PRH1: variants seen among roughly 807,000 people sequenced by gnomAD.
PRH1 encodes the protein proline rich protein HaeIII subfamily 1.
PRH1 carries 7 observed loss-of-function variants against 7.9 expected under a neutral mutation model. The observed-to-expected ratio is 0.89, with a 90% confidence interval of 0.50 to 1.67. The LOEUF is 1.67. PRH1 is among the 40% of genes most tolerant of loss of function. The pLI is 0.00. For synonymous variants in PRH1, 45 were observed against 80.8 expected (o/e 0.56, Z 2.38); for missense variants, 109 against 223.6 (o/e 0.49, Z 3.27).
At chr12:11,043,965 A>G (rs766919182) in intron 1 of PRH1, among the ~76,000 whole-genome samples, 4 of 152,180 alleles carry the variant, frequency 2.6e-5, no homozygotes, top group Non-Finnish European at 2.9e-5. Flanking sequence ...TGGAGCCACA[A>G]CTGACCCAGA....
At chr12:10,999,887 C>T (rs1940500878) in intron 1 of PRH1, among the ~76,000 whole-genome samples, 1 of 152,072 alleles carries the variant, frequency 6.6e-6, no homozygotes, top group South Asian at 2.1e-4. Context: ...TACATAGTTG[C>T]ATGTACATGT....
intron 1 of PRH1, chr12:11,091,873 A>G (rs1405839763): frequency 7.6e-7 from 1 of 1,307,288 alleles, no homozygotes; most frequent in Admixed American, 2.0e-5. Flanking sequence ...TCTTTAAGTG[A>G]AGAAAAATAA....
At chr12:10,909,167 G>A (rs765210652) in intron 2 of PRH1, 12 of 1,613,876 alleles carry the variant, frequency 7.4e-6, no homozygotes, top group East Asian at 4.5e-5. Context: ...GGAGTTTATC[G>A]ACTGAGGACA....
intron 1 of PRH1, among the ~76,000 whole-genome samples, chr12:10,981,864 AT>A (rs3033036): frequency 0.011 from 1,500 of 141,620 alleles, 15 homozygotes; most frequent in East Asian, 0.045. Flanking sequence ...CAAACAACTA[AT>A]TTTTTTTTTT....
At chr12:10,968,334 T>G (rs1938612609) in intron 2 of PRH1, among the ~76,000 whole-genome samples, 1 of 152,168 alleles carries the variant, frequency 6.6e-6, no homozygotes, top group South Asian at 2.1e-4. Context: ...TAATGTAACT[T>G]GCCCATAATG....
rs189222872 is a variant in PRH1 at position 11,026,459 on chromosome 12, G to C, written c.-126+20561C>G. On this transcript the variant is annotated intron_variant, in intron 1 of 3. Transcript: ENST00000539853. ...ATTGAAATAGATATGTATGGCAGCC[G>C]GCAGGACTCACATTCTTCGTGAACT... Among the ~76,000 whole-genome samples the C allele has an allele frequency of 8.6e-5, 9 of 104,496 alleles. No homozygotes were observed. The East Asian group carries it at 2.5e-3, about 29-fold the overall frequency. 68.6% of individuals were successfully genotyped at this position (104,496 alleles called of 152,430 possible).
At chr12:10,937,206 C>A (rs1486555235) in intron 2 of PRH1, among the ~76,000 whole-genome samples, 1 of 866 alleles carries the variant, frequency 1.2e-3, no homozygotes, top group African/African-American at 1.3e-3. Flanking sequence ...AATTTTATTT[C>A]TCTCTCTCTC....
intron 1 of PRH1, among the ~76,000 whole-genome samples, chr12:11,142,474 T>C (rs1426148408): frequency 3.3e-5 from 5 of 152,176 alleles, no homozygotes; most frequent in African/African-American, 9.7e-5. Flanking sequence ...CAGGATTCTA[T>C]AGAACTCACA....
At chr12:11,114,193 G>C (rs555138517) in intron 1 of PRH1, among the ~76,000 whole-genome samples, 3 of 152,236 alleles carry the variant, frequency 2.0e-5, no homozygotes, top group East Asian at 3.9e-4. Context: ...CTACTATAAA[G>C]ACACATGCAC....
intron 1 of PRH1, chr12:11,134,035 C>T (rs551424741): frequency 9.3e-6 from 15 of 1,614,008 alleles, no homozygotes; most frequent in Non-Finnish European, 1.3e-5. Flanking sequence ...CTGGATTCAA[C>T]TGAGTTGCAT....
At chr12:10,888,997 C>G (rs1168746446), upstream of PRH1, among the ~76,000 whole-genome samples, 6 of 152,198 alleles carry the variant, frequency 3.9e-5, no homozygotes, top group Non-Finnish European at 8.8e-5. Context: ...TTTCCTGTCT[C>G]TCTTCCATCT....
intron 1 of PRH1, among the ~76,000 whole-genome samples, chr12:11,131,152 C>G (rs1360039820): frequency 6.6e-6 from 1 of 152,224 alleles, no homozygotes; most frequent in Non-Finnish European, 1.5e-5. Flanking sequence ...CAAGGGGAAA[C>G]AGAAGACTAA....
intron 1 of PRH1, among the ~76,000 whole-genome samples, chr12:11,111,946 C>G (rs545024289): frequency 1.7e-5 from 2 of 117,896 alleles, no homozygotes; most frequent in South Asian, 4.6e-4. Flanking sequence ...ATCCAATAGA[C>G]ACAATAAAAA....
intron 1 of PRH1, chr12:11,092,305 T>C (rs1944947994): frequency 1.1e-6 from 1 of 946,922 alleles, no homozygotes; most frequent in South Asian, 1.4e-5. Flanking sequence ...GGGTTCGTGG[T>C]CTCGCTGACT....
intron 1 of PRH1, among the ~76,000 whole-genome samples, chr12:11,148,072 G>A: frequency 6.9e-6 from 1 of 145,650 alleles, no homozygotes; most frequent in East Asian, 2.0e-4. Context: ...GTTCACTCAT[G>A]ATTTGGCTCT....
chr12:10,993,489 G>A (rs568139452), intron 1 of PRH1, among the ~76,000 whole-genome samples: 18 of 152,168 alleles, frequency 1.2e-4, no homozygotes, highest in Non-Finnish European at 2.4e-4. Context: ...AGAAGATTCA[G>A]TGACCTATAA....
Position 11,022,321 on chromosome 12 carries a change from G to A in PRH1, c.-126+24699C>T, listed in dbSNP as rs763224281. 1.2e-5 allele frequency: 19 copies of A among 1,614,054 alleles called. No individual in the cohort carries two copies. In the African/African-American group the frequency reaches 2.3e-4, roughly 19 times the overall value. On this transcript the variant is annotated intron_variant, in intron 1 of 3. Coordinates refer to the PRH1 transcript ENST00000539853. ...GTTCGTTACAGCCCAGGCATTAGAA[G>A]CAACAATTCTTACTTCTAAACCATA...
At chr12:11,171,583 G>C (rs760983532), upstream of PRH1, 2 of 1,229,902 alleles carry the variant, frequency 1.6e-6, no homozygotes, top group African/African-American at 1.6e-5. Context: ...TAAGCTAACG[G>C]CCTCCGGGGC....
chr12:10,924,426 G>T (rs148162146), intron 2 of PRH1, among the ~76,000 whole-genome samples: 59 of 152,294 alleles, frequency 3.9e-4, no homozygotes, highest in Non-Finnish European at 6.9e-4. Context: ...TCTCATTGTG[G>T]TATTTCATGT....
Sources: gnomAD v4.1 joint callset for allele counts (sites outside exome capture counted in the v4.1 genomes callset) on GRCh38, gnomAD v4.1.1 for gene constraint, MANE v1.5 for transcripts, NCBI Gene and HGNC (gene_info 2026-07-23, HGNC 2026-07-21) for gene names.